CREB5: variants seen among roughly 807,000 people sequenced by gnomAD.
The protein encoded by CREB5 is cAMP responsive element binding protein 5, also known as cyclic AMP-responsive element-binding protein 5.
In CREB5, 19 loss-of-function variants were observed where a neutral mutation model predicts 57.1. The observed-to-expected ratio is 0.33, with a 90% CI of 0.23 to 0.49. The LOEUF (loss-of-function observed/expected upper bound fraction) is 0.49, where lower values mean the gene tolerates loss of function less well. CREB5 is among the 20% of genes least tolerant of loss of function. CREB5 has a pLI of 0.99. For synonymous variants in CREB5, 238 were observed against 238.3 expected, an observed-to-expected ratio of 1.00 and a Z score of 0.01; for missense variants, 579 against 671.6, an observed-to-expected ratio of 0.86 and a Z score of 1.52.
chr7:28,498,952 G>T (rs776376321), intron 3 of CREB5, among the ~76,000 whole-genome samples: 4 of 152,200 alleles, frequency 2.6e-5, no homozygotes, highest in Non-Finnish European at 5.9e-5. Context: ...GTGGGAATGT[G>T]TAGAGGACAA....
chr7:28,560,903 CGCGT>C lies in CREB5; in HGVS notation c.292-9456_292-9453del, dbSNP rs1194605106. On this transcript the variant is annotated intron_variant, in intron 4 of 10. Transcript: ENST00000357727. Reference sequence around the variant, plus strand: ...GCGTGCGTGCGTGTGTGTGCGTGCGCGCGTGCGTGTGCGTGTGTGCGCGTGCGTG... The same window carrying C: ...GCGTGCGTGCGTGTGTGTGCGTGCGCGCGTGTGCGTGTGTGCGCGTGCGTG... Among the ~76,000 whole-genome samples, 91 of 26,150 alleles carry C rather than the reference CGCGT, an allele frequency of 3.5e-3. 7 individuals carry two copies. Among genetic ancestry groups the C allele is most frequent in the Middle Eastern group, 0.028 (1 of 36 alleles). 17.2% of individuals were successfully genotyped at this position (26,150 alleles called of 152,430 possible). A position where few individuals can be genotyped will look rare whatever the true frequency, so the allele number is the denominator to read the frequency against.
intron 1 of CREB5, among the ~76,000 whole-genome samples, chr7:28,474,476 G>A (rs1010634967): frequency 6.6e-6 from 1 of 152,210 alleles, no homozygotes; most frequent in Admixed American, 6.5e-5. Flanking sequence ...TTTGCCCTAT[G>A]ACTGGCTGAT....
At chr7:28,762,732 TTTTTTC>T (rs1472102997) in intron 7 of CREB5, among the ~76,000 whole-genome samples, 2 of 152,044 alleles carry the variant, frequency 1.3e-5, no homozygotes, top group East Asian at 3.8e-4. Context: ...ATGGTTTTTT[TTTTTTC>T]TTTTTCTTTT....
intron 1 of CREB5, among the ~76,000 whole-genome samples, chr7:28,423,701 T>C (rs531549880): frequency 4.5e-4 from 69 of 152,052 alleles, no homozygotes; most frequent in Middle Eastern, 3.4e-3. Flanking sequence ...CAGGCTTGTG[T>C]CTGCATCCTG....
chr7:28,336,434 G>A (rs918189863), intron 1 of CREB5, among the ~76,000 whole-genome samples: 5 of 151,962 alleles, frequency 3.3e-5, no homozygotes, highest in African/African-American at 7.2e-5. Context: ...TAGGTTGTAT[G>A]TGTGTAGTAA....
intron 7 of CREB5, among the ~76,000 whole-genome samples, chr7:28,729,460 A>T (rs535304252): frequency 6.6e-6 from 1 of 152,152 alleles, no homozygotes; most frequent in South Asian, 2.1e-4. Flanking sequence ...TTGAATGTCA[A>T]CCTGGGTGTG....
chr7:28,772,332 G>A (rs886143996), intron 7 of CREB5, among the ~76,000 whole-genome samples: 3 of 152,170 alleles, frequency 2.0e-5, no homozygotes, highest in Non-Finnish European at 2.9e-5. Context: ...CAGCCCAAGG[G>A]GTGACTGCTT....
chr7:28,601,575 G>A (rs1464664576), intron 5 of CREB5, among the ~76,000 whole-genome samples: 3 of 152,206 alleles, frequency 2.0e-5, no homozygotes, highest in Non-Finnish European at 4.4e-5. Flanking sequence ...GTAATGTGTA[G>A]AGGAGTTAAC....
intron 1 of CREB5, among the ~76,000 whole-genome samples, chr7:28,313,253 G>A (rs952400381): frequency 6.6e-6 from 1 of 152,150 alleles, no homozygotes; most frequent in African/African-American, 2.4e-5. Context: ...CCTGCTTCAT[G>A]AGCCTGCTCA....
intron 1 of CREB5, among the ~76,000 whole-genome samples, chr7:28,299,678 T>G (rs1445912403): frequency 2.0e-5 from 3 of 152,252 alleles, no homozygotes; most frequent in African/African-American, 7.2e-5. Flanking sequence ...GGATGTTTTT[T>G]GCTCATGCTA....
At chr7:28,653,653 G>A (rs890796492) in intron 5 of CREB5, among the ~76,000 whole-genome samples, 30 of 152,246 alleles carry the variant, frequency 2.0e-4, no homozygotes, top group African/African-American at 7.2e-4. Flanking sequence ...TCAGAATCCA[G>A]TAAAAATTAA....
chr7:28,763,800 T>TATG (rs1805796282), intron 7 of CREB5, among the ~76,000 whole-genome samples: 1 of 98,950 alleles, frequency 1.0e-5, no homozygotes, highest in Non-Finnish European at 2.5e-5. Context: ...GGGATATTAT[T>TATG]ATTATTATTA....
At chr7:28,399,560 G>T (rs949238302) in intron 1 of CREB5, among the ~76,000 whole-genome samples, 31 of 152,118 alleles carry the variant, frequency 2.0e-4, no homozygotes, top group African/African-American at 7.2e-4. Context: ...TCAATAAATA[G>T]TGCTGGGAAA....
intron 5 of CREB5, among the ~76,000 whole-genome samples, chr7:28,572,203 C>T (rs972311994): frequency 2.6e-5 from 4 of 152,128 alleles, no homozygotes; most frequent in Non-Finnish European, 5.9e-5. Context: ...GGGTAATGAC[C>T]ATTTTGTGAG....
At chr7:28,662,304 C>T (rs1478447858) in intron 5 of CREB5, among the ~76,000 whole-genome samples, 2 of 152,250 alleles carry the variant, frequency 1.3e-5, no homozygotes, top group African/African-American at 4.8e-5. Flanking sequence ...TGGGCTTTTA[C>T]GAGGCAGAGA....
intron 4 of CREB5, among the ~76,000 whole-genome samples, chr7:28,546,991 A>C (rs987503943): frequency 1.3e-5 from 2 of 152,262 alleles, no homozygotes; most frequent in African/African-American, 4.8e-5. Flanking sequence ...CTGGCCTTCC[A>C]GGCCATTATG....
intron 5 of CREB5, among the ~76,000 whole-genome samples, chr7:28,600,677 A>G (rs1360957697): frequency 1.3e-5 from 2 of 152,188 alleles, no homozygotes; most frequent in Non-Finnish European, 2.9e-5. Flanking sequence ...ATTCTATTAC[A>G]AATAAAAGTT....
At chr7:28,792,173 A>G (rs1234337972) in intron 7 of CREB5, among the ~76,000 whole-genome samples, 1 of 152,072 alleles carries the variant, frequency 6.6e-6, no homozygotes, top group African/African-American at 2.4e-5. Context: ...GCATGGTTAC[A>G]ATCGCCTGTA....
At chr7:28,650,755 T>A (rs1799095328) in intron 5 of CREB5, among the ~76,000 whole-genome samples, 1 of 152,228 alleles carries the variant, frequency 6.6e-6, no homozygotes, top group South Asian at 2.1e-4. Flanking sequence ...AAACTAAGTA[T>A]GTACTCATCT....
Sources: allele counts gnomAD v4.1 joint callset (sites outside exome capture counted in the v4.1 genomes callset), GRCh38; gene constraint gnomAD v4.1.1; transcripts MANE v1.5; gene names NCBI Gene and HGNC (gene_info 2026-07-23, HGNC 2026-07-21).